Variants in CEP95 observed in about 807,000 individuals in gnomAD.
CEP95 encodes centrosomal protein 95.
Under a neutral mutation model 111.2 loss-of-function variants are expected in CEP95, and 98 were observed. That is an observed-to-expected ratio of 0.88 (90% CI 0.75 to 1.04). CEP95 has a LOEUF of 1.04. Ranked by LOEUF, CEP95 falls within the 50% of genes least tolerant of loss-of-function variation. CEP95 has a pLI of 0.00. For missense variants in CEP95, 1,027 were observed against 977.2 expected (o/e 1.05, Z -0.68); for synonymous variants, 323 against 327.1 (o/e 0.99, Z 0.14).
chr17:64,534,465 C>G (rs1968508203), intron 16 of CEP95, 120 bp from the exon 17 acceptor site: 1 of 864,134 alleles, frequency 1.2e-6, no homozygotes, highest in Non-Finnish European at 1.8e-6. Flanking sequence ...GGGCCACTGG[C>G]CCCCCACACG....
intron 11 of CEP95, 25 bp from the exon 12 acceptor site, chr17:64,529,263 G>A (rs782415345): frequency 8.8e-6 from 14 of 1,597,376 alleles, no homozygotes; most frequent in Non-Finnish European, 1.1e-5. Context: ...AGGAACTAAT[G>A]TTATATGTCT....
In CEP95 at chr17:64,519,562, A is replaced by G. The variant is rs1360689624; in HGVS notation, c.589+126A>G. The G allele has an allele frequency of 1.1e-5, 7 of 660,802 alleles. No individual in the cohort carries two copies. In the East Asian group the frequency reaches 1.6e-4, roughly 15 times the overall value. 40.9% of individuals were successfully genotyped at this position (660,802 alleles called of 1,614,324 possible). On this transcript the variant is annotated intron_variant, in intron 6 of 19. Coordinates refer to ENST00000556440, the MANE Select transcript of CEP95 (RefSeq NM_138363.3). Reference sequence around the variant, plus strand: ...AACTGGACATGGGATTTGAAATTCCAGAATATCCCACTACCCATTAAATAT... The same window carrying G: ...AACTGGACATGGGATTTGAAATTCCGGAATATCCCACTACCCATTAAATAT...
At chr17:64,523,575 A>T (rs1967548238) in intron 8 of CEP95, among the ~76,000 whole-genome samples, 1 of 152,090 alleles carries the variant, frequency 6.6e-6, no homozygotes, top group South Asian at 2.1e-4. Context: ...TCAAAAAAAA[A>T]AAAGAAAAAA....
At position 64,532,822 on chromosome 17, in the gene CEP95, C is replaced by G. The variant is rs374122614; in HGVS notation, c.1673-17C>G. On this transcript the variant is annotated splice_polypyrimidine_tract_variant and intron_variant, in intron 14 of 19. Transcript: ENST00000556440. ...TGTCCACGTCTCAGATTAAGAACAT[C>G]TTATTTTACCTTGCAGTGAAAGTAA... 1.4e-5 allele frequency: 23 copies of G among 1,602,172 alleles called. No homozygotes were observed. The African/African-American group carries it at 3.0e-4, about 21-fold the overall frequency.
At chr17:64,511,615 C>A (rs1386225885) in intron 3 of CEP95, among the ~76,000 whole-genome samples, 1 of 152,182 alleles carries the variant, frequency 6.6e-6, no homozygotes, top group Non-Finnish European at 1.5e-5. Context: ...ACATGCTCTA[C>A]AATTTTGTGC....
At position 64,534,090 on chromosome 17, in the gene CEP95, G is replaced by A. The variant is rs571190053; in HGVS notation, c.1918-495G>A. 2.5e-5 allele frequency: 4 copies of A among 158,750 alleles called. No homozygotes were observed. The East Asian group carries it at 5.6e-4, about 22-fold the overall frequency. 9.8% of individuals were successfully genotyped at this position (158,750 alleles called of 1,614,324 possible). On this transcript the variant is annotated intron_variant, in intron 16 of 19. Transcript: ENST00000556440. ...GTTCCAGGAAGACATCTCAGGAACT[G>A]CAGATGGTACTTTCCTGTGGAGGGA... is the stretch of plus-strand genomic sequence containing the variant.
intron 7 of CEP95, 107 bp downstream of exon 7, chr17:64,521,634 G>T: frequency 3.2e-6 from 3 of 939,506 alleles, no homozygotes; most frequent in Non-Finnish European, 4.5e-6. Context: ...GATCCTTTTT[G>T]GTCTTACATG....
At chr17:64,507,863 C>T in intron 1 of CEP95, 1 of 985,384 alleles carries the variant, frequency 1.0e-6, no homozygotes, top group Non-Finnish European at 1.2e-6. Flanking sequence ...TTTCAAGGAA[C>T]AAGTATTTTA....
In CEP95 at chr17:64,534,811, C is replaced by CGT. The variant is rs782387803; in HGVS notation, c.2070+76_2070+77dup. On this transcript the variant is annotated intron_variant, in intron 17 of 19. Coordinates refer to ENST00000556440, the MANE Select transcript of CEP95 (RefSeq NM_138363.3). ...ATCTTTCAGGACCACCTTCTTTGTT[C>CGT]GTGACTCTTGTCCAAATTTGAATCC... 161 of 1,526,260 alleles carry CGT rather than the reference C, an allele frequency of 1.1e-4. 1 individual carries two copies. The African/African-American group carries it at 2.0e-3, about 19-fold the overall frequency. The allele number at this position is 1,526,260 out of a possible 1,614,324, so 94.5% of individuals were successfully genotyped here.
At chr17:64,528,947 A>G (rs983036739) in intron 11 of CEP95, among the ~76,000 whole-genome samples, 2 of 152,224 alleles carry the variant, frequency 1.3e-5, no homozygotes, top group East Asian at 3.8e-4. Context: ...CAGATAGGTA[A>G]AAGGATAGCA....
At position 64,507,031 on chromosome 17, in the gene CEP95, CGG is replaced by C; in HGVS notation, c.-66_-65del. The stretch of plus-strand genomic sequence containing the variant: ...GCCCCAGTGTCGGGTCTGCGTGGAT[CGG>C]TCCTTCCAGGACACCGTCGCCTTCC... On this transcript the variant is annotated 5_prime_UTR_variant, in exon 1 of 20. Transcript: ENST00000556440. 6.5e-7 allele frequency: 1 copy of C among 1,539,730 alleles called. No homozygotes were observed. The highest frequency in any genetic ancestry group is 8.8e-7 in the Non-Finnish European group (1 of 1,137,236).
chr17:64,521,801 C>A (rs1025936446), intron 7 of CEP95, among the ~76,000 whole-genome samples: 12 of 151,678 alleles, frequency 7.9e-5, no homozygotes, highest in African/African-American at 2.9e-4. Context: ...ATTAGTACAT[C>A]TATTGGTGGT....
intron 3 of CEP95, among the ~76,000 whole-genome samples, chr17:64,511,103 A>G (rs1555674769): frequency 1.3e-5 from 2 of 152,194 alleles, no homozygotes; most frequent in Admixed American, 1.3e-4. Context: ...GTACTTCACA[A>G]GGTAATAGAA....
intron 1 of CEP95, chr17:64,507,714 AGAAATGGGCGTGGGGAGGGG>A (rs1456798862): frequency 1.0e-6 from 1 of 985,820 alleles, no homozygotes; most frequent in Non-Finnish European, 1.2e-6. Flanking sequence ...GCCAGCTGTG[AGAAATGGGCGTGGGGAGGGG>A]GATTATGTGC....
chr17:64,526,045 C>T, intron 9 of CEP95, 26 bp from the exon 10 acceptor site: 2 of 1,599,094 alleles, frequency 1.3e-6, no homozygotes, highest in Middle Eastern at 1.7e-4. Context: ...AGCTATTTTA[C>T]TGTCAAATGG....
intron 17 of CEP95, chr17:64,535,089 A>G (rs1968557826): frequency 3.2e-6 from 1 of 309,008 alleles, no homozygotes; most frequent in Non-Finnish European, 6.3e-6. Context: ...AATCAGGACT[A>G]GTGTCCAGCT....
intron 3 of CEP95, among the ~76,000 whole-genome samples, 190 bp from the exon 4 acceptor site, chr17:64,514,055 ATTG>A (rs2039019279): frequency 6.6e-6 from 1 of 152,146 alleles, no homozygotes; most frequent in Non-Finnish European, 1.5e-5. Context: ...GCAGCAGGAA[ATTG>A]TTGTTCTTAA....
Position 64,519,454 on chromosome 17 carries a change from AAGT to A in CEP95, c.589+20_589+22del, listed in dbSNP as rs1555677184. ...AAGTAATGGTGAGTAGTTAAACCTG[AAGT>A]ATCAGTTATTATTCAACATACAACT... On this transcript the variant is annotated intron_variant, in intron 6 of 19. Coordinates refer to ENST00000556440, the MANE Select transcript of CEP95 (RefSeq NM_138363.3). 5.9e-6 allele frequency: 9 copies of A among 1,531,998 alleles called. No individual in the cohort carries two copies. The highest frequency in any genetic ancestry group is 7.2e-6 in the Non-Finnish European group (8 of 1,106,048). The allele number at this position is 1,531,998 out of a possible 1,614,324, so 94.9% of individuals were successfully genotyped here.
At position 64,525,788 on chromosome 17, in the gene CEP95, T is replaced by G; in HGVS notation, c.928T>G (p.Phe310Val). 10 of 1,606,388 alleles carry G rather than the reference T, an allele frequency of 6.2e-6. No individual in the cohort carries two copies. Among genetic ancestry groups the G allele is most frequent in the Non-Finnish European group, 6.8e-6 (8 of 1,176,928 alleles). Residue 310 changes from phenylalanine to valine, a missense_variant, in exon 9 of 20, where the codon TTC becomes GTC. Phe to Val is a conservative substitution (Grantham distance 50). Coordinates refer to ENST00000556440, the MANE Select transcript of CEP95 (RefSeq NM_138363.3). ...EFSGDLDDGL[F>V]LISKLPKGSK... ...TTAATAGGATCTAGATGATGGACTTTTCTTAATTTCCAAGTTGCCTAAAGG... is the reference window on the plus strand; with the variant it reads ...TTAATAGGATCTAGATGATGGACTTGTCTTAATTTCCAAGTTGCCTAAAGG...
Sources: gnomAD v4.1 joint callset for allele counts (sites outside exome capture counted in the v4.1 genomes callset) on GRCh38, gnomAD v4.1.1 for gene constraint, MANE v1.5 for transcripts, NCBI Gene and HGNC (gene_info 2026-07-23, HGNC 2026-07-21) for gene names.